The following CAPN15 variants were observed in gnomAD, a reference collection of about 807,000 sequenced individuals.
The protein encoded by CAPN15 is calpain-15.
In CAPN15, 53 loss-of-function variants were observed where a neutral mutation model predicts 97.9. That is an observed-to-expected ratio of 0.54 (90% CI 0.43 to 0.68). The LOEUF is 0.68. Ranked by LOEUF, CAPN15 falls within the 30% of genes least tolerant of loss-of-function variation. The pLI is 0.00. For missense variants in CAPN15, 1,592 were observed against 1,589.8 expected (o/e 1.00, Z -0.02); for synonymous variants, 922 against 722.5 (o/e 1.28, Z -4.43).
intron 7 of CAPN15, among the ~76,000 whole-genome samples, chr16:550,324 G>A (rs779949579): frequency 6.6e-5 from 10 of 152,088 alleles, no homozygotes; most frequent in Non-Finnish European, 1.5e-4. Flanking sequence ...CCCCCCACCC[G>A]CCCGGGAGCC....
At position 547,053 on chromosome 16, in the gene CAPN15, AGCCTGC is replaced by A; in HGVS notation, c.221_226del (p.Ala74_Pro75del). The A allele has an allele frequency of 6.2e-7, 1 of 1,606,146 alleles. No homozygotes were observed. The highest frequency in any genetic ancestry group is 8.5e-7 in the Non-Finnish European group (1 of 1,178,260). On this transcript the variant is annotated inframe_deletion, in exon 4 of 14. Coordinates refer to ENST00000219611, the MANE Select transcript of CAPN15 (RefSeq NM_005632.3). ...TGCGAGGTGTGCGGCTTCACCCCGG[AGCCTGC>A]GCCTGGGGCTGCCTTCCTGCCAGTC...
rs118077490 is a variant in CAPN15 at position 535,558 on chromosome 16, G to C, written c.-136-471G>C. 5.0e-3 allele frequency among the ~76,000 whole-genome samples: 765 copies of C among 152,290 alleles called. 3 individuals carry two copies. The highest frequency in any genetic ancestry group is 0.02 in the Middle Eastern group (6 of 294). ...TAGGCCACCGCCCCGTTTAAAACTA[G>C]GGCATCGGCTCCCAGGGAGGGCGGG... On this transcript the variant is annotated intron_variant, in intron 2 of 13. Transcript: ENST00000219611. The surrounding 1 kb of genome is among the most constrained non-coding windows in gnomAD (Gnocchi z 6.2).
chr16:554,008 TG>T lies in CAPN15; in HGVS notation c.*494del, dbSNP rs2035285411. The stretch of plus-strand genomic sequence containing the variant: ...AGGGCAGGCGGGGTCCCTGGAGCCC[TG>T]GTGTGGAGCGGCGAGTCCCGGGGCG... On this transcript the variant is annotated 3_prime_UTR_variant, in exon 14 of 14. Transcript: ENST00000219611. 1 of 176,920 alleles carries T rather than the reference TG, an allele frequency of 5.7e-6. No individual in the cohort carries two copies. The highest frequency in any genetic ancestry group is 1.2e-5 in the Non-Finnish European group (1 of 84,514). 11.0% of individuals were successfully genotyped at this position (176,920 alleles called of 1,614,324 possible).
At chr16:540,134 C>T in intron 3 of CAPN15, 9 of 985,480 alleles carry the variant, frequency 9.1e-6, no homozygotes, top group Non-Finnish European at 1.1e-5. Flanking sequence ...GCTTCGCCCG[C>T]TGCTGGCCAG....
intron 3 of CAPN15, among the ~76,000 whole-genome samples, chr16:541,280 CA>C (rs1410490401): frequency 6.6e-6 from 1 of 152,206 alleles, no homozygotes; most frequent in Non-Finnish European, 1.5e-5. Flanking sequence ...ACTGGGGATG[CA>C]GGGGATTAGC....
At position 547,494 on chromosome 16, in the gene CAPN15, G is replaced by A; in HGVS notation, c.656G>A (p.Gly219Asp). The change falls in exon 4 of 14, where the codon GGC (glycine) becomes GAC (aspartate). Residue 219 changes from glycine (G) to aspartate (D), a missense_variant. Transcript: ENST00000219611. ...GCCAACCCCCCAGCCACCAGCCAGG[G>A]CCCAGCTGCCGAACCAGAGCCGCCC... ...AEANPPATSQ[G>D]PAAEPEPPRV... 6.3e-7 allele frequency: 1 copy of A among 1,597,624 alleles called. No individual in the cohort carries two copies. The highest frequency in any genetic ancestry group is 8.5e-7 in the Non-Finnish European group (1 of 1,178,922).
intron 7 of CAPN15, among the ~76,000 whole-genome samples, chr16:550,727 G>T (rs946713563): frequency 6.8e-6 from 1 of 147,740 alleles, no homozygotes. Flanking sequence ...TGTCGGTGAG[G>T]GTCCCCGTCG....
Position 551,941 on chromosome 16 carries a change from C to T in CAPN15, c.2346-110C>T, listed in dbSNP as rs537750306. The T allele has an allele frequency of 5.2e-4, 645 of 1,236,970 alleles. 3 individuals carry two copies. Among genetic ancestry groups the T allele is most frequent in the South Asian group, 1.2e-3 (93 of 75,930 alleles). 76.6% of individuals were successfully genotyped at this position (1,236,970 alleles called of 1,614,324 possible). Reference sequence around the variant, plus strand: ...GGGCCGGGCTGCAAGAGGACGGTGACGGAGCAGCTGGCACCTGCTGGGGTC... The same window carrying T: ...GGGCCGGGCTGCAAGAGGACGGTGATGGAGCAGCTGGCACCTGCTGGGGTC... On this transcript the variant is annotated intron_variant, in intron 9 of 13. Transcript: ENST00000219611.
intron 2 of CAPN15, among the ~76,000 whole-genome samples, chr16:534,235 G>GCGGCCCGGGGTCCC (rs374380680): frequency 6.6e-6 from 1 of 151,436 alleles, no homozygotes. Flanking sequence ...TCCCGACAGG[G>GCGGCCCGGGGTCCC]GTGTTTGTCC....
chr16:547,290 G>A lies in CAPN15; in HGVS notation c.452G>A (p.Arg151His), dbSNP rs760613954. 2 of 1,515,482 alleles carry A rather than the reference G, an allele frequency of 1.3e-6. No homozygotes were observed. The highest frequency in any genetic ancestry group is 1.2e-5 in the South Asian group (1 of 81,256). 93.9% of individuals were successfully genotyped at this position (1,515,482 alleles called of 1,614,324 possible). A position where few individuals can be genotyped will look rare whatever the true frequency, so the allele number is the denominator to read the frequency against. The change falls in exon 4 of 14, where the codon CGT becomes CAT. Residue 151 changes from arginine to histidine, a missense_variant. Transcript: ENST00000219611. ...CCCAGAGGGGGCTGGGCGTGTCCGC[G>A]TTGCACGCTGCACAACACGCCCGTG... ...AEPRGGWACP[R>H]CTLHNTPVAS...
At chr16:537,029 A>T (rs2033783951) in intron 3 of CAPN15, 1 of 579,766 alleles carries the variant, frequency 1.7e-6, no homozygotes, top group African/African-American at 2.0e-5. Flanking sequence ...GTTCAGCGAT[A>T]CCATCTCTGG....
intron 3 of CAPN15, chr16:540,423 C>T (rs996183965): frequency 5.8e-5 from 52 of 895,568 alleles, no homozygotes; most frequent in East Asian, 1.2e-4. Flanking sequence ...CAGAGGGCCT[C>T]GTTCTCAGGG....
At position 551,586 on chromosome 16, in the gene CAPN15, C is replaced by T. The variant is rs745804543; in HGVS notation, c.2267C>T (p.Pro756Leu). 47 of 1,610,490 alleles carry T rather than the reference C, an allele frequency of 2.9e-5. No homozygotes were observed. The highest frequency in any genetic ancestry group is 5.3e-5 in the African/African-American group (4 of 74,922). The change falls in exon 9 of 14, where the codon CCG becomes CTG. Residue 756 changes from proline to leucine, a missense_variant. By Grantham distance (98) the Pro-to-Leu change is moderately conservative (BLOSUM62 -3). Around this residue, in one of 3 missense-constraint regions of CAPN15, gnomAD observed 644 missense variants for 699.6 expected, o/e 0.92. Coordinates refer to ENST00000219611, the MANE Select transcript of CAPN15 (RefSeq NM_005632.3). ...TGGTCCGACGAGTGGCCACACTGGC[C>T]GGGGCACCTGCGTGGCGAGCTCATG... ...GSWSDEWPHW[P>L]GHLRGELMPH...
In CAPN15 at chr16:547,220, G is replaced by GAGGAGGAGAAGGAGGAGC; in HGVS notation, c.391_408dup (p.Lys131_Glu136dup). 2 of 1,526,598 alleles carry GAGGAGGAGAAGGAGGAGC rather than the reference G, an allele frequency of 1.3e-6. No individual in the cohort carries two copies. Among genetic ancestry groups the GAGGAGGAGAAGGAGGAGC allele is most frequent in the Non-Finnish European group, 1.8e-6 (2 of 1,142,688 alleles). 94.6% of individuals were successfully genotyped at this position (1,526,598 alleles called of 1,614,324 possible). A position where few individuals can be genotyped will look rare whatever the true frequency, so the allele number is the denominator to read the frequency against. On this transcript the variant is annotated inframe_insertion, in exon 4 of 14. Coordinates refer to ENST00000219611, the MANE Select transcript of CAPN15 (RefSeq NM_005632.3). ...CAGGGGGCAGTGCGAGGACAAGGAC[G>GAGGAGGAGAAGGAGGAGC]AGGAGGAGAAGGAGGAGCAGGAGGA...
chr16:536,830 A>G (rs1421530334), intron 3 of CAPN15: 1 of 152,278 alleles, frequency 6.6e-6, no homozygotes, highest in East Asian at 1.9e-4. Flanking sequence ...GAAGGCCAGC[A>G]GGGTGGATTT....
At chr16:532,484 G>A (rs577175502) in intron 1 of CAPN15, among the ~76,000 whole-genome samples, 187 of 151,654 alleles carry the variant, frequency 1.2e-3, no homozygotes, top group Non-Finnish European at 2.1e-3. Flanking sequence ...GAACCCGGGA[G>A]GCAGAGGTTG....
chr16:551,797 G>A (rs2035100473), intron 9 of CAPN15, 133 bp downstream of exon 9: 1 of 1,214,014 alleles, frequency 8.2e-7, no homozygotes, highest in Non-Finnish European at 1.2e-6. Flanking sequence ...GGGACCTGGA[G>A]CTTCAGCTCC....
intron 3 of CAPN15, chr16:540,448 C>A: frequency 2.8e-6 from 2 of 709,792 alleles, no homozygotes; most frequent in Non-Finnish European, 1.7e-6. Flanking sequence ...CCCTCCTTGG[C>A]AGAGGTGCTT....
intron 3 of CAPN15, among the ~76,000 whole-genome samples, chr16:542,513 G>A (rs1253893163): frequency 2.0e-5 from 3 of 152,078 alleles, no homozygotes; most frequent in East Asian, 1.9e-4. Context: ...TTTGATCTGC[G>A]TTTCCCTGGT....
Sources: gnomAD v4.1 joint callset for allele counts (sites outside exome capture counted in the v4.1 genomes callset) on GRCh38, gnomAD v4.1.1 for gene constraint, gnomAD v4.1.1 regional missense constraint, Gnocchi (gnomAD v3.1) non-coding constraint, MANE v1.5 for transcripts, NCBI Gene and HGNC (gene_info 2026-07-23, HGNC 2026-07-21) for gene names.